Variants in IL1RAPL1 observed in about 807,000 individuals in gnomAD.
The protein encoded by IL1RAPL1 is interleukin 1 receptor accessory protein like 1, also known as interleukin-1 receptor accessory protein-like 1.
IL1RAPL1 carries 3 observed loss-of-function variants against 48.4 expected under a neutral mutation model. That is an observed-to-expected ratio of 0.06 (90% confidence interval 0.03 to 0.16). The LOEUF (loss-of-function observed/expected upper bound fraction) is 0.16. Ranked by LOEUF, IL1RAPL1 falls within the 10% of genes least tolerant of loss-of-function variation. The probability of loss-of-function intolerance (pLI) is 1.00; values close to 1 mark genes in which losing one functional copy is unlikely to be tolerated. For missense variants in IL1RAPL1, 349 were observed against 530.6 expected (o/e 0.66, Z 3.36); for synonymous variants, 185 against 187.7 (o/e 0.99, Z 0.12).
chrX:28,745,972 T>A (rs1256363895), intron 1 of IL1RAPL1, among the ~76,000 whole-genome samples: 1 of 111,655 alleles, frequency 9.0e-6, no homozygotes, highest in African/African-American at 3.2e-5. Context: ...AATAACTTTT[T>A]AAAAATGAAG....
chrX:29,193,218 T>C (rs952787231), intron 2 of IL1RAPL1, among the ~76,000 whole-genome samples: 1 of 110,503 alleles, frequency 9.0e-6, no homozygotes, highest in Non-Finnish European at 1.9e-5. Flanking sequence ...TTTTTTCAAA[T>C]TGTCAGTGTT....
At chrX:29,408,298 T>A (rs1164979859) in intron 5 of IL1RAPL1, among the ~76,000 whole-genome samples, 2 of 111,711 alleles carry the variant, frequency 1.8e-5, no homozygotes, top group African/African-American at 6.5e-5. Flanking sequence ...TACATGATTT[T>A]CATTTTTGCC....
chrX:29,292,915 G>A (rs1306166179), intron 3 of IL1RAPL1, among the ~76,000 whole-genome samples: 1 of 111,120 alleles, frequency 9.0e-6, no homozygotes, highest in African/African-American at 3.3e-5. Flanking sequence ...GTCTCTTATA[G>A]ATAATATATT....
intron 6 of IL1RAPL1, among the ~76,000 whole-genome samples, chrX:29,740,221 T>C (rs989530077): frequency 1.8e-5 from 2 of 110,788 alleles, no homozygotes; most frequent in Non-Finnish European, 3.8e-5. Context: ...TAAAGTCTAA[T>C]GTGATATAGT....
At chrX:29,353,865 AT>A (rs200772590) in intron 3 of IL1RAPL1, among the ~76,000 whole-genome samples, 1,326 of 101,667 alleles carry the variant, frequency 0.013, 26 homozygotes, top group African/African-American at 0.045. Context: ...CTTAGCCACG[AT>A]TCATTACTCA....
intron 1 of IL1RAPL1, among the ~76,000 whole-genome samples, chrX:28,748,356 T>G (rs780145837): frequency 2.7e-5 from 3 of 111,876 alleles, no homozygotes; most frequent in African/African-American, 9.7e-5. Context: ...TTTCTCTTTC[T>G]TGCATTTGGG....
intron 6 of IL1RAPL1, among the ~76,000 whole-genome samples, chrX:29,796,539 A>G (rs965707151): frequency 9.0e-6 from 1 of 111,590 alleles, no homozygotes; most frequent in African/African-American, 3.3e-5. Flanking sequence ...CAGCCAATCT[A>G]TCATCATTTC....
intron 6 of IL1RAPL1, among the ~76,000 whole-genome samples, chrX:29,685,284 C>T (rs1258194205): frequency 9.2e-6 from 1 of 108,920 alleles, no homozygotes; most frequent in Non-Finnish European, 1.9e-5. Context: ...GGGCAGATCA[C>T]CTGAGGTCAG....
intron 2 of IL1RAPL1, among the ~76,000 whole-genome samples, chrX:29,186,379 T>C (rs1930252636): frequency 8.9e-6 from 1 of 111,901 alleles, no homozygotes; most frequent in Non-Finnish European, 1.9e-5. Flanking sequence ...GTTTGACACC[T>C]TGAGTACAAT....
chrX:29,694,315 C>A (rs1926852758), intron 6 of IL1RAPL1, among the ~76,000 whole-genome samples: 1 of 111,826 alleles, frequency 8.9e-6, no homozygotes, highest in Admixed American at 9.6e-5. Flanking sequence ...TCGATTTTAT[C>A]CTTTATTGTT....
At chrX:29,486,019 C>G (rs907737718) in intron 5 of IL1RAPL1, among the ~76,000 whole-genome samples, 5 of 111,326 alleles carry the variant, frequency 4.5e-5, no homozygotes, top group African/African-American at 1.6e-4. Context: ...TATTTGTACC[C>G]GAAGCTCCAG....
At chrX:29,620,256 T>A (rs1924420925) in intron 5 of IL1RAPL1, among the ~76,000 whole-genome samples, 1 of 112,046 alleles carries the variant, frequency 8.9e-6, no homozygotes, top group Non-Finnish European at 1.9e-5. Context: ...ACCACAGGGA[T>A]GTGTTCTGAA....
intron 5 of IL1RAPL1, among the ~76,000 whole-genome samples, chrX:29,522,560 G>A (rs748346657): frequency 5.4e-5 from 6 of 111,573 alleles, no homozygotes; most frequent in African/African-American, 1.3e-4. Context: ...TTGTCTCTCC[G>A]TATCTGGAGA....
chrX:29,503,024 A>C (rs1935291370), intron 5 of IL1RAPL1, among the ~76,000 whole-genome samples: 2 of 111,350 alleles, frequency 1.8e-5, no homozygotes, highest in Admixed American at 1.9e-4. Flanking sequence ...CAATATTCAT[A>C]GGTTTTATGT....
At chrX:29,323,713 TTATATATATA>T (rs1172683563) in intron 3 of IL1RAPL1, among the ~76,000 whole-genome samples, 4 of 10,942 alleles carry the variant, frequency 3.7e-4, no homozygotes, top group Non-Finnish European at 6.5e-4. Flanking sequence ...ACTGAATTTT[TTATATATATA>T]TATATATATA....
intron 5 of IL1RAPL1, among the ~76,000 whole-genome samples, chrX:29,606,214 G>A (rs922633699): frequency 9.0e-6 from 1 of 111,456 alleles, no homozygotes; most frequent in African/African-American, 3.3e-5. Flanking sequence ...GCCAAATTTC[G>A]AATTTCTTGT....
At chrX:29,449,738 T>TACACACACAC (rs539577442) in intron 5 of IL1RAPL1, among the ~76,000 whole-genome samples, 19 of 63,906 alleles carry the variant, frequency 3.0e-4, no homozygotes, top group East Asian at 6.5e-4. Context: ...TACATATGCA[T>TACACACACAC]ACACACACAC....
At chrX:29,511,956 G>A (rs1365207608) in intron 5 of IL1RAPL1, among the ~76,000 whole-genome samples, 1 of 110,893 alleles carries the variant, frequency 9.0e-6, no homozygotes, top group African/African-American at 3.3e-5. Flanking sequence ...TGAGATTCAT[G>A]ATAGGAATAT....
intron 6 of IL1RAPL1, among the ~76,000 whole-genome samples, chrX:29,825,911 C>T (rs184504830): frequency 2.7e-5 from 3 of 110,711 alleles, no homozygotes; most frequent in East Asian, 2.8e-4. Flanking sequence ...TGTAGTTCGC[C>T]GACTCGGGTT....
Sources: allele counts gnomAD v4.1 joint callset (sites outside exome capture counted in the v4.1 genomes callset), GRCh38; gene constraint gnomAD v4.1.1; transcripts MANE v1.5; gene names NCBI Gene and HGNC (gene_info 2026-07-23, HGNC 2026-07-21).